CACNA1C: variants seen among roughly 807,000 people sequenced by gnomAD.
The protein encoded by CACNA1C is voltage-dependent L-type calcium channel subunit alpha-1C.
In CACNA1C, 30 loss-of-function variants were observed where a neutral mutation model predicts 229.0. The ratio of observed to expected loss-of-function variants is 0.13; its 90% CI spans 0.10 to 0.18. The LOEUF (loss-of-function observed/expected upper bound fraction) is 0.18, where lower values mean the gene tolerates loss of function less well. CACNA1C is among the 10% of genes least tolerant of loss of function. CACNA1C has a pLI of 1.00. For missense variants in CACNA1C, 1,658 were observed against 2,845.0 expected (o/e 0.58, Z 9.49); for synonymous variants, 1,114 against 1,132.5 (o/e 0.98, Z 0.33).
chr12:1,977,840 G>C (rs1197526831), intron 1 of CACNA1C, among the ~76,000 whole-genome samples: 1 of 152,054 alleles, frequency 6.6e-6, no homozygotes, highest in Non-Finnish European at 1.5e-5. Flanking sequence ...TTTACTATGG[G>C]TATATACAGG....
At chr12:2,444,918 C>T (rs2154561782) in intron 3 of CACNA1C, among the ~76,000 whole-genome samples, 1 of 152,306 alleles carries the variant, frequency 6.6e-6, no homozygotes, top group South Asian at 2.1e-4. Context: ...ATTCTCCAGC[C>T]AGTGCCAGAT....
At position 2,034,089 on chromosome 12, in the gene CACNA1C, A is replaced by G. The variant is rs955627892; in HGVS notation, c.139+62888A>G. Among the ~76,000 whole-genome samples, 1 of 152,314 alleles carries G rather than the reference A, an allele frequency of 6.6e-6. No individual in the cohort carries two copies. The highest frequency in any genetic ancestry group is 6.5e-5 in the Admixed American group (1 of 15,304). ...ACATTTTTAACATCTGCTACACCTTAGGCCGTTGGAACATACTAACTCATT... is the reference window on the plus strand; with the variant it reads ...ACATTTTTAACATCTGCTACACCTTGGGCCGTTGGAACATACTAACTCATT... On this transcript the variant is annotated intron_variant, in intron 1 of 46. Coordinates refer to the CACNA1C transcript ENST00000682462. The surrounding 1 kb of genome is among the most constrained non-coding windows in gnomAD (Gnocchi z 4.1).
At chr12:2,304,607 G>A (rs370577379) in intron 3 of CACNA1C, among the ~76,000 whole-genome samples, 2 of 152,144 alleles carry the variant, frequency 1.3e-5, no homozygotes, top group South Asian at 4.1e-4. Flanking sequence ...GGCAGCCCCT[G>A]CCTCCTCCTC....
chr12:2,473,505 C>G (rs931342799), intron 5 of CACNA1C, among the ~76,000 whole-genome samples: 5 of 152,192 alleles, frequency 3.3e-5, no homozygotes, highest in African/African-American at 1.2e-4. Flanking sequence ...CACACATTTA[C>G]TGAGGACTTA....
At chr12:2,247,022 C>G (rs1191493367) in intron 3 of CACNA1C, among the ~76,000 whole-genome samples, 2 of 152,240 alleles carry the variant, frequency 1.3e-5, no homozygotes, top group African/African-American at 4.8e-5. Flanking sequence ...TTTTGAAAAA[C>G]TTAAGCTAAG....
At chr12:2,569,307 T>C (rs756533754) in intron 13 of CACNA1C, among the ~76,000 whole-genome samples, 7 of 150,284 alleles carry the variant, frequency 4.7e-5, no homozygotes, top group Non-Finnish European at 1.0e-4. Context: ...TTTTAAAACA[T>C]ACTGAAATAT....
intron 9 of CACNA1C, among the ~76,000 whole-genome samples, chr12:2,530,140 G>A (rs2099837419): frequency 6.6e-6 from 1 of 152,208 alleles, no homozygotes; most frequent in African/African-American, 2.4e-5. Flanking sequence ...AATAAATAGA[G>A]AACAGCATCT....
At chr12:2,050,825 G>A (rs750173451), upstream of CACNA1C, among the ~76,000 whole-genome samples, 1 of 152,172 alleles carries the variant, frequency 6.6e-6, no homozygotes, top group Non-Finnish European at 1.5e-5. Flanking sequence ...GAGTGGTAAG[G>A]TTTCAGGTAC....
At chr12:2,056,114 C>G (rs1024585455) in intron 1 of CACNA1C, among the ~76,000 whole-genome samples, 3 of 152,026 alleles carry the variant, frequency 2.0e-5, no homozygotes, top group African/African-American at 7.2e-5. Flanking sequence ...CCTCTCTTCC[C>G]GACATGCTCT....
intron 3 of CACNA1C, among the ~76,000 whole-genome samples, chr12:2,302,568 C>T (rs1003034217): frequency 6.6e-6 from 1 of 152,022 alleles, no homozygotes; most frequent in Non-Finnish European, 1.5e-5. Flanking sequence ...GTCCTCCGGG[C>T]CCCTCGGATG....
intron 3 of CACNA1C, among the ~76,000 whole-genome samples, chr12:2,373,120 A>G (rs1205310581): frequency 2.6e-5 from 4 of 152,246 alleles, no homozygotes; most frequent in Non-Finnish European, 5.9e-5. Context: ...TGTTCTTTAA[A>G]GAGACTTTCA....
At chr12:2,529,501 G>A (rs2099835845) in intron 9 of CACNA1C, among the ~76,000 whole-genome samples, 1 of 152,194 alleles carries the variant, frequency 6.6e-6, no homozygotes, top group African/African-American at 2.4e-5. Flanking sequence ...GGTTGGAAAA[G>A]GGTTTGGAAA....
chr12:2,549,405 G>A (rs2099891885), intron 9 of CACNA1C, among the ~76,000 whole-genome samples: 1 of 152,174 alleles, frequency 6.6e-6, no homozygotes, highest in African/African-American at 2.4e-5. Context: ...TTGTGCTCCT[G>A]GGTGTAACCA....
At chr12:1,983,225 G>GTTT (rs57856032) in intron 1 of CACNA1C, among the ~76,000 whole-genome samples, 3 of 150,812 alleles carry the variant, frequency 2.0e-5, no homozygotes, top group African/African-American at 7.3e-5. Flanking sequence ...TCTCTAAACA[G>GTTT]TTTTTTTGTT....
chr12:2,336,320 A>T (rs752158072), intron 3 of CACNA1C, among the ~76,000 whole-genome samples: 4 of 152,226 alleles, frequency 2.6e-5, no homozygotes, highest in Admixed American at 6.5e-5. Flanking sequence ...TACATTTAAG[A>T]TAATATGAAA....
intron 3 of CACNA1C, among the ~76,000 whole-genome samples, chr12:2,145,461 G>A (rs1393351932): frequency 6.6e-6 from 1 of 151,208 alleles, no homozygotes; most frequent in Non-Finnish European, 1.5e-5. Context: ...TCTTACACTT[G>A]TGGATTCCTT....
chr12:2,544,972 C>A (rs1008679651), intron 9 of CACNA1C, among the ~76,000 whole-genome samples: 1 of 152,142 alleles, frequency 6.6e-6, no homozygotes, highest in Non-Finnish European at 1.5e-5. Flanking sequence ...GTAATGGTTT[C>A]GCTGGGATTC....
At chr12:2,520,942 C>T (rs1290029155) in intron 9 of CACNA1C, among the ~76,000 whole-genome samples, 1 of 152,252 alleles carries the variant, frequency 6.6e-6, no homozygotes, top group Non-Finnish European at 1.5e-5. Flanking sequence ...GCTTCCTGGG[C>T]CTGGCATTAG....
rs1341723152 is a variant in CACNA1C, at chr12:2,039,634, T to A, written c.139+68433T>A. 6.6e-5 allele frequency among the ~76,000 whole-genome samples: 10 copies of A among 152,118 alleles called. No individual in the cohort carries two copies. In the East Asian group the frequency reaches 1.7e-3, roughly 26 times the overall value. On this transcript the variant is annotated intron_variant, in intron 1 of 46. Transcript: ENST00000682462. ...CAAATAACTACAGCAATATAACTAG[T>A]GCTTTGATAGAGATAGCGGTAGGCT...
Sources: allele counts gnomAD v4.1 joint callset (sites outside exome capture counted in the v4.1 genomes callset), GRCh38; gene constraint gnomAD v4.1.1; non-coding constraint Gnocchi (gnomAD v3.1); transcripts MANE v1.5; gene names NCBI Gene and HGNC (gene_info 2026-07-23, HGNC 2026-07-21).